Variants in XYLT1 observed in about 807,000 individuals in gnomAD.
XYLT1 encodes xylosyltransferase 1, also known as beta-D-xylosyltransferase 1.
A neutral mutation model predicts 91.3 loss-of-function variants in XYLT1; 36 were observed. The ratio of observed to expected loss-of-function variants is 0.39; its 90% CI spans 0.30 to 0.52. XYLT1 has a LOEUF of 0.52. Ranked by LOEUF, XYLT1 falls within the 20% of genes least tolerant of loss-of-function variation. The pLI, the probability that XYLT1 is intolerant of heterozygous loss-of-function variation, is 0.68. For missense variants in XYLT1, 1,242 were observed against 1,284.5 expected (o/e 0.97, Z 0.51); for synonymous variants, 588 against 532.0 (o/e 1.11, Z -1.45).
rs2036984083 is a variant in XYLT1, at chr16:17,470,900, C to G, written c.-104G>C. The G allele has an allele frequency of 8.0e-6, 7 of 870,456 alleles. No homozygotes were observed. Among genetic ancestry groups the G allele is most frequent in the Admixed American group, 1.3e-4 (2 of 15,682 alleles). 53.9% of individuals were successfully genotyped at this position (870,456 alleles called of 1,614,324 possible). On this transcript the variant is annotated 5_prime_UTR_variant, in exon 1 of 12. Transcript: ENST00000261381. ...CGGCCGCCGGCTGCCGCTCGGGCTC[C>G]CGCTCGGGCCGCCGCCGCCGCCCCC...
chr16:17,357,954 C>G, intron 2 of XYLT1, 58 bp downstream of exon 2: 1 of 1,588,066 alleles, frequency 6.3e-7, no homozygotes, highest in Non-Finnish European at 8.6e-7. Context: ...GGACAAGTCC[C>G]CTTGAGAGCT....
chr16:17,240,344 G>T (rs2033326674), intron 3 of XYLT1, among the ~76,000 whole-genome samples: 1 of 152,198 alleles, frequency 6.6e-6, no homozygotes, highest in Non-Finnish European at 1.5e-5. Flanking sequence ...TCACTGACTT[G>T]CAATGGGGAA....
At chr16:17,258,041 T>C (rs141935566) in intron 3 of XYLT1, among the ~76,000 whole-genome samples, 2,786 of 152,208 alleles carry the variant, frequency 0.018, 99 homozygotes, top group Admixed American at 0.1. Flanking sequence ...GATCAGAGCT[T>C]GGATCCCTCC....
intron 1 of XYLT1, among the ~76,000 whole-genome samples, chr16:17,402,344 A>G (rs1050308507): frequency 6.6e-6 from 1 of 152,046 alleles, no homozygotes; most frequent in Admixed American, 6.6e-5. Context: ...AAAAGGGTTT[A>G]CAAAGCACTA....
chr16:17,131,589 T>C (rs903141171), intron 9 of XYLT1, among the ~76,000 whole-genome samples: 3 of 152,150 alleles, frequency 2.0e-5, no homozygotes, highest in Admixed American at 1.3e-4. Flanking sequence ...TGCAATAAAA[T>C]GCTGACATCC....
At chr16:17,151,101 T>C (rs1259162594) in intron 6 of XYLT1, among the ~76,000 whole-genome samples, 1 of 152,130 alleles carries the variant, frequency 6.6e-6, no homozygotes. Flanking sequence ...GTCAGCACCC[T>C]TAGGGAGTCA....
In XYLT1 at chr16:17,141,156, A is replaced by G; in HGVS notation, c.1584T>C (p.Ala528=). ...KQFYSYTLLP[A]ESFFHTVLEN... is the part of the protein sequence containing the mutation. ...GAAAATTTTCCCAGATACTCACCTCAGCAGGAAGCAGGGTGTAGGAGTAGA... is the reference window on the plus strand; with the variant it reads ...GAAAATTTTCCCAGATACTCACCTCGGCAGGAAGCAGGGTGTAGGAGTAGA... Residue 528 remains alanine (A), a synonymous_variant, in exon 7 of 12, where the codon GCT becomes GCC. Coordinates refer to ENST00000261381, the MANE Select transcript of XYLT1 (RefSeq NM_022166.4). 6.2e-7 allele frequency: 1 copy of G among 1,613,810 alleles called. No individual in the cohort carries two copies. Among genetic ancestry groups the G allele is most frequent in the Non-Finnish European group, 8.5e-7 (1 of 1,179,680 alleles).
At chr16:17,426,138 AAAG>A (rs781289717) in intron 1 of XYLT1, among the ~76,000 whole-genome samples, 2 of 152,226 alleles carry the variant, frequency 1.3e-5, no homozygotes, top group East Asian at 3.8e-4. Flanking sequence ...ATACCACATT[AAAG>A]AAGAAGAAAG....
chr16:17,284,964 A>C (rs1414915307), intron 2 of XYLT1, among the ~76,000 whole-genome samples: 1 of 152,150 alleles, frequency 6.6e-6, no homozygotes. Context: ...TTCTAAGTGC[A>C]CTGGGGAGCC....
rs763238536 is a variant in XYLT1, at chr16:17,141,415, C to T, written c.1371-46G>A. ...CTTAGCCCAGAGGTGTCCTGAAAGA[C>T]AGAACTCCAGCCAGAGTCCAAATAA... On this transcript the variant is annotated intron_variant, in intron 6 of 11. Coordinates refer to ENST00000261381, the MANE Select transcript of XYLT1 (RefSeq NM_022166.4). 9 of 1,572,522 alleles carry T rather than the reference C, an allele frequency of 5.7e-6. No homozygotes were observed. In the East Asian group the frequency reaches 2.0e-4, roughly 35 times the overall value.
chr16:17,277,088 G>C (rs991972129), intron 2 of XYLT1, among the ~76,000 whole-genome samples: 1 of 152,214 alleles, frequency 6.6e-6, no homozygotes, highest in African/African-American at 2.4e-5. Flanking sequence ...ACAGATGCCT[G>C]CTCCTATCGA....
At chr16:17,329,710 C>T (rs1198209935) in intron 2 of XYLT1, among the ~76,000 whole-genome samples, 2 of 152,194 alleles carry the variant, frequency 1.3e-5, no homozygotes, top group Non-Finnish European at 2.9e-5. Context: ...CTTGCACAAA[C>T]ATGGACACCC....
intron 3 of XYLT1, among the ~76,000 whole-genome samples, chr16:17,208,018 G>T (rs190041031): frequency 2.4e-4 from 37 of 151,346 alleles, no homozygotes; most frequent in African/African-American, 9.0e-4. Context: ...ATTGAGTCTT[G>T]CTTTGTAACC....
At chr16:17,142,979 A>G (rs1342220250) in intron 6 of XYLT1, among the ~76,000 whole-genome samples, 1 of 152,174 alleles carries the variant, frequency 6.6e-6, no homozygotes, top group Non-Finnish European at 1.5e-5. Flanking sequence ...TTTTCCCATG[A>G]ACCCTAGATT....
rs368187851 is a variant in XYLT1, at chr16:17,349,823, A to C, written c.402+8189T>G. Among the ~76,000 whole-genome samples the C allele has an allele frequency of 8.5e-5, 13 of 152,226 alleles. No homozygotes were observed. In the South Asian group the frequency reaches 2.7e-3, roughly 32 times the overall value. On this transcript the variant is annotated intron_variant, in intron 2 of 11. Transcript: ENST00000261381. Reference sequence around the variant, plus strand: ...ATTTATGAATGCATGTCCAATGTACAGTTCCCATCTCAATGAAACATCTAT... The same window carrying C: ...ATTTATGAATGCATGTCCAATGTACCGTTCCCATCTCAATGAAACATCTAT...
intron 5 of XYLT1, among the ~76,000 whole-genome samples, chr16:17,175,629 C>T (rs1446881842): frequency 6.6e-6 from 1 of 152,200 alleles, no homozygotes; most frequent in African/African-American, 2.4e-5. Flanking sequence ...TCCCTGTCCT[C>T]TCTCATGGAA....
chr16:17,391,981 C>A (rs996523760), intron 1 of XYLT1, among the ~76,000 whole-genome samples: 7 of 152,204 alleles, frequency 4.6e-5, no homozygotes, highest in African/African-American at 1.7e-4. Context: ...AACGTTGAGT[C>A]AGTTAAACCT....
rs34553607 is a variant in XYLT1, at chr16:17,254,996, CTTTTTTTT to C, written c.913+3984_913+3991del. Among the ~76,000 whole-genome samples, 318 of 113,360 alleles carry C rather than the reference CTTTTTTTT, an allele frequency of 2.8e-3. 2 individuals carry two copies. The highest frequency in any genetic ancestry group is 4.9e-3 in the Middle Eastern group (1 of 204). 74.4% of individuals were successfully genotyped at this position (113,360 alleles called of 152,430 possible). Reference sequence around the variant, plus strand: ...CTTTCTTTTTCCTTTTTTTCTTTTTCTTTTTTTTTTTTTTTTTTGAGATGGAGTCTTGC... The same window carrying C: ...CTTTCTTTTTCCTTTTTTTCTTTTTCTTTTTTTTTTGAGATGGAGTCTTGC... On this transcript the variant is annotated intron_variant, in intron 3 of 11. Coordinates refer to ENST00000261381, the MANE Select transcript of XYLT1 (RefSeq NM_022166.4).
At chr16:17,418,512 G>T (rs2036208173) in intron 1 of XYLT1, among the ~76,000 whole-genome samples, 1 of 151,960 alleles carries the variant, frequency 6.6e-6, no homozygotes, top group East Asian at 1.9e-4. Context: ...TGGCAGCTTT[G>T]GTTGCTTGTC....
Sources: gnomAD v4.1 joint callset for allele counts (sites outside exome capture counted in the v4.1 genomes callset) on GRCh38, gnomAD v4.1.1 for gene constraint, MANE v1.5 for transcripts, NCBI Gene and HGNC (gene_info 2026-07-23, HGNC 2026-07-21) for gene names.